Variants in CRYGB observed in about 807,000 individuals in gnomAD.
CRYGB encodes crystallin gamma B, also known as gamma-crystallin B.
In CRYGB, 19 loss-of-function variants were observed where a neutral mutation model predicts 21.3. The ratio of observed to expected loss-of-function variants is 0.89; its 90% CI spans 0.62 to 1.31. The LOEUF (loss-of-function observed/expected upper bound fraction) is 1.31. Among genes scored for constraint, CRYGB ranks in the 50% most tolerant of loss-of-function variants. The pLI, the probability that CRYGB is intolerant of heterozygous loss-of-function variation, is 0.00. For synonymous variants in CRYGB, 81 were observed against 81.2 expected, an observed-to-expected ratio of 1.00 and a Z score of 0.01; for missense variants, 254 against 228.4, an observed-to-expected ratio of 1.11 and a Z score of -0.72.
chr2:208,144,826 T>A (rs1471777448), intron 2 of CRYGB, among the ~76,000 whole-genome samples: 1 of 151,514 alleles, frequency 6.6e-6, no homozygotes, highest in Non-Finnish European at 1.5e-5. Flanking sequence ...CCTGACCTCC[T>A]GACCTCGGCC....
chr2:208,143,795 C>T (rs149461426), intron 2 of CRYGB, among the ~76,000 whole-genome samples: 2 of 152,118 alleles, frequency 1.3e-5, no homozygotes, highest in Non-Finnish European at 2.9e-5. Flanking sequence ...GGGTGAGCCA[C>T]GCGCCCAGCT....
Position 208,142,611 on chromosome 2 carries a change from A to C in CRYGB, c.*27T>G, listed in dbSNP as rs1478673859. ...AGCTAAATATTTTATTAGATTTTAA[A>C]GGAGAAAAGTGGAAAACGTAAATAC... On this transcript the variant is annotated 3_prime_UTR_variant, in exon 3 of 3. Transcript: ENST00000260988. 2.1e-6 allele frequency: 3 copies of C among 1,448,542 alleles called. No individual in the cohort carries two copies. The highest frequency in any genetic ancestry group is 2.7e-6 in the Non-Finnish European group (3 of 1,099,062). The allele number at this position is 1,448,542 out of a possible 1,614,324, so 89.7% of individuals were successfully genotyped here.
At chr2:208,144,430 G>C (rs777714658) in intron 2 of CRYGB, among the ~76,000 whole-genome samples, 1 of 150,588 alleles carries the variant, frequency 6.6e-6, no homozygotes, top group Non-Finnish European at 1.5e-5. Context: ...TTGAGACAGG[G>C]TCTCCCTCTG....
chr2:208,146,008 G>C lies in CRYGB; in HGVS notation c.18C>G (p.Phe6Leu), dbSNP rs1324649732. 16 of 1,614,078 alleles carry C rather than the reference G, an allele frequency of 9.9e-6. No homozygotes were observed. Among genetic ancestry groups the C allele is most frequent in the African/African-American group, 5.3e-5 (4 of 74,926 alleles). ...GGCCCTGGAAGGCCCTGTCCTCGTA[G>C]AAGGTGATCTGAAAAATGGAAGATG... is the stretch of plus-strand genomic sequence containing the variant. MGKITFYEDRAFQGRS... is the reference protein window; with the variant it reads MGKITLYEDRAFQGRS... Residue 6 changes from phenylalanine to leucine, a missense_variant, in exon 2 of 3, where the codon TTC becomes TTG. Coordinates refer to ENST00000260988, the MANE Select transcript of CRYGB (RefSeq NM_005210.4).
At chr2:208,146,081 C>T in intron 1 of CRYGB, 31 bp downstream of exon 1, 2 of 1,614,158 alleles carry the variant, frequency 1.2e-6, no homozygotes, top group Non-Finnish European at 1.7e-6. Flanking sequence ...GCATTAGGGC[C>T]AAGGCTGAGC....
intron 2 of CRYGB, 135 bp from the exon 3 acceptor site, chr2:208,143,048 T>C (rs1695385110): frequency 8.5e-6 from 8 of 939,236 alleles, no homozygotes; most frequent in South Asian, 3.9e-5. Flanking sequence ...AACAACCCTG[T>C]TGCAAAGTTA....
intron 2 of CRYGB, among the ~76,000 whole-genome samples, chr2:208,143,966 C>T (rs1695406438): frequency 6.6e-6 from 1 of 151,698 alleles, no homozygotes; most frequent in African/African-American, 2.4e-5. Flanking sequence ...TCAGGACTTT[C>T]TGAGGCTGTG....
chr2:208,144,398 C>G (rs1574337529), intron 2 of CRYGB, among the ~76,000 whole-genome samples: 1 of 151,408 alleles, frequency 6.6e-6, no homozygotes, highest in East Asian at 2.0e-4. Flanking sequence ...CACACACACA[C>G]ACACATATAT....
intron 2 of CRYGB, among the ~76,000 whole-genome samples, chr2:208,145,436 C>A (rs988255538): frequency 3.9e-5 from 6 of 151,994 alleles, no homozygotes; most frequent in African/African-American, 1.5e-4. Context: ...CACCTGTAAT[C>A]CCAGCACTTT....
chr2:208,142,998 C>A, intron 2 of CRYGB, 85 bp from the exon 3 acceptor site: 1 of 1,441,182 alleles, frequency 6.9e-7, no homozygotes, highest in South Asian at 1.4e-5. Flanking sequence ...TCCCTGGCCA[C>A]ACCTGCCCAG....
chr2:208,144,021 G>A (rs1559327485), intron 2 of CRYGB, among the ~76,000 whole-genome samples: 3 of 106,950 alleles, frequency 2.8e-5, no homozygotes, highest in Non-Finnish European at 4.3e-5. Flanking sequence ...CTTCTTTCTG[G>A]GTTTTTTTTT....
chr2:208,144,523 C>T (rs1037440725), intron 2 of CRYGB, among the ~76,000 whole-genome samples: 2 of 152,144 alleles, frequency 1.3e-5, no homozygotes, highest in Non-Finnish European at 2.9e-5. Flanking sequence ...CCCACCTCAG[C>T]CTCCTGAGTA....
rs1695466967 is a variant in CRYGB at position 208,146,092 on chromosome 2, A to C, written c.9+20T>G. The C allele has an allele frequency of 6.2e-7, 1 of 1,614,100 alleles. No individual in the cohort carries two copies. The highest frequency in any genetic ancestry group is 8.5e-7 in the Non-Finnish European group (1 of 1,180,036). On this transcript the variant is annotated intron_variant, in intron 1 of 2. Coordinates refer to ENST00000260988, the MANE Select transcript of CRYGB (RefSeq NM_005210.4). ...CACTGCATTAGGGCCAAGGCTGAGC[A>C]TCCGGTACCCAGGACTTACCTTTCC...
intron 2 of CRYGB, 150 bp from the exon 3 acceptor site, chr2:208,143,063 G>T: frequency 1.4e-6 from 1 of 690,212 alleles, no homozygotes; most frequent in Non-Finnish European, 2.3e-6. Flanking sequence ...AAGTTAAGGA[G>T]CTGTCACACT....
chr2:208,142,926 A>T lies in CRYGB; in HGVS notation c.253-13T>A, dbSNP rs749276521. 6.3e-7 allele frequency: 1 copy of T among 1,578,480 alleles called. No homozygotes were observed. Among genetic ancestry groups the T allele is most frequent in the South Asian group, 1.2e-5 (1 of 85,574 alleles). On this transcript the variant is annotated splice_polypyrimidine_tract_variant and intron_variant, in intron 2 of 2. Transcript: ENST00000260988. ...AAGCGCCAGAGTGCTGGAGTGGCAG[A>T]CAGAAAACGCAAGAGTAAACAAACA... is the stretch of plus-strand genomic sequence containing the variant.
chr2:208,145,785 G>C lies in CRYGB; in HGVS notation c.241C>G (p.Leu81Val), dbSNP rs1438328891. The C allele has an allele frequency of 1.9e-6, 3 of 1,612,886 alleles. No homozygotes were observed. The highest frequency in any genetic ancestry group is 2.5e-6 in the Non-Finnish European group (3 of 1,179,526). Residue 81 changes from leucine to valine, a missense_variant, in exon 2 of 3, where the codon CTC (leucine) becomes GTC (valine). Leu to Val is a conservative substitution (Grantham distance 32). Coordinates refer to ENST00000260988, the MANE Select transcript of CRYGB (RefSeq NM_005210.4). ...AGAGCCACACTCACCGGGGGGATGAGGCAGCAGGAGCGGATGGAGTCGCTG... is the reference window on the plus strand; with the variant it reads ...AGAGCCACACTCACCGGGGGGATGACGCAGCAGGAGCGGATGGAGTCGCTG... ...GLSDSIRSCCLIPPHSGAYRM... is the reference protein window; with the variant it reads ...GLSDSIRSCCVIPPHSGAYRM...
At chr2:208,143,621 G>A (rs758297078) in intron 2 of CRYGB, among the ~76,000 whole-genome samples, 14 of 52,580 alleles carry the variant, frequency 2.7e-4, no homozygotes, top group Non-Finnish European at 7.9e-4. Flanking sequence ...TCCTGCCTGA[G>A]CCTCCCGGGT....
intron 2 of CRYGB, among the ~76,000 whole-genome samples, chr2:208,144,897 A>G (rs1206964097): frequency 3.3e-5 from 5 of 151,988 alleles, no homozygotes; most frequent in Admixed American, 6.5e-5. Flanking sequence ...TCAAATTTCA[A>G]CCTATCTGAC....
chr2:208,145,896 T>C lies in CRYGB; in HGVS notation c.130A>G (p.Met44Val). The change falls in exon 2 of 3, where the codon ATG (methionine) becomes GTG (valine). Residue 44 changes from methionine (M) to valine (V), a missense_variant. By Grantham distance (21) the Met-to-Val change is conservative. Transcript: ENST00000260988. The part of the protein sequence containing the change: ...NSIRVESGCW[M>V]IYERPNYQGH... Reference sequence around the variant, plus strand: ...TGGTAGTTGGGGCGCTCATAGATCATCCAGCAGCCGCTCTCCACCCTGATG... The same window carrying C: ...TGGTAGTTGGGGCGCTCATAGATCACCCAGCAGCCGCTCTCCACCCTGATG... The C allele has an allele frequency of 1.9e-6, 3 of 1,613,916 alleles. No individual in the cohort carries two copies. The highest frequency in any genetic ancestry group is 2.5e-6 in the Non-Finnish European group (3 of 1,179,994).
Sources: allele counts gnomAD v4.1 joint callset (sites outside exome capture counted in the v4.1 genomes callset), GRCh38; gene constraint gnomAD v4.1.1; transcripts MANE v1.5; gene names NCBI Gene and HGNC (gene_info 2026-07-23, HGNC 2026-07-21).